Variants in RMDN2 observed in about 807,000 individuals in gnomAD.
The protein encoded by RMDN2 is regulator of microtubule dynamics protein 2.
RMDN2 carries 61 observed loss-of-function variants against 52.8 expected under a neutral mutation model. The ratio of observed to expected loss-of-function variants is 1.16; its 90% CI spans 0.94 to 1.43. The LOEUF is 1.43. Ranked by LOEUF, RMDN2 falls within the 40% of genes most tolerant of loss-of-function variation. The pLI, the probability that RMDN2 is intolerant of heterozygous loss-of-function variation, is 0.00. For missense variants in RMDN2, 592 were observed against 475.3 expected (o/e 1.25, Z -2.28); for synonymous variants, 180 against 153.1 (o/e 1.18, Z -1.30).
intron 2 of RMDN2, among the ~76,000 whole-genome samples, chr2:37,932,460 C>G (rs867714237): frequency 6.7e-6 from 1 of 149,386 alleles, no homozygotes; most frequent in Non-Finnish European, 1.5e-5. Flanking sequence ...CCATGTCTAC[C>G]TCTTTCTACA....
At chr2:38,025,047 A>T (rs1000302709) in intron 10 of RMDN2, among the ~76,000 whole-genome samples, 16 of 152,128 alleles carry the variant, frequency 1.1e-4, no homozygotes, top group African/African-American at 3.6e-4. Flanking sequence ...AGTTTTTAAA[A>T]TTTCCATCAA....
chr2:38,050,918 C>T (rs778634415), intron 10 of RMDN2, among the ~76,000 whole-genome samples: 6 of 152,160 alleles, frequency 3.9e-5, no homozygotes, highest in Non-Finnish European at 5.9e-5. Context: ...TGCATTACTA[C>T]GCCCGGCTAA....
chr2:38,055,737 A>G (rs1681834633), intron 10 of RMDN2, among the ~76,000 whole-genome samples: 1 of 152,076 alleles, frequency 6.6e-6, no homozygotes, highest in Admixed American at 6.5e-5. Flanking sequence ...GAACAAAGAA[A>G]CCCTTCAAGC....
chr2:37,977,392 C>A (rs1672629020), intron 4 of RMDN2, among the ~76,000 whole-genome samples: 2 of 152,166 alleles, frequency 1.3e-5, no homozygotes, highest in Non-Finnish European at 1.5e-5. Flanking sequence ...GGCAGAGGGG[C>A]TCCTCACTTC....
chr2:37,983,251 G>A (rs1447953221), intron 5 of RMDN2, among the ~76,000 whole-genome samples: 1 of 152,122 alleles, frequency 6.6e-6, no homozygotes, highest in South Asian at 2.1e-4. Context: ...AATTTTCATA[G>A]AGGAGCAATG....
chr2:38,006,610 A>T (rs2125204738), intron 10 of RMDN2, among the ~76,000 whole-genome samples: 1 of 152,296 alleles, frequency 6.6e-6, no homozygotes. Context: ...TTGGGCTGAG[A>T]TGATGGGATT....
intron 2 of RMDN2, chr2:37,953,105 A>G (rs1283737074): frequency 2.0e-5 from 3 of 151,918 alleles, no homozygotes; most frequent in Non-Finnish European, 4.4e-5. Flanking sequence ...TGGGGCTAAG[A>G]TGTTATTTTT....
chr2:37,981,403 TG>T, intron 5 of RMDN2, 60 bp downstream of exon 5: 1 of 1,147,070 alleles, frequency 8.7e-7, no homozygotes. Context: ...ATAAATTAAA[TG>T]GATTTTTCAA....
intron 2 of RMDN2, among the ~76,000 whole-genome samples, chr2:37,959,452 A>C (rs964751263): frequency 2.6e-5 from 4 of 151,032 alleles, no homozygotes; most frequent in Admixed American, 2.6e-4. Context: ...AGGTGTTTAT[A>C]GTACTCTCTG....
chr2:37,929,672 C>G lies in RMDN2; in HGVS notation c.395C>G (p.Pro132Arg), dbSNP rs755010803. Residue 132 changes from proline (P) to arginine (R), a missense_variant, in exon 2 of 11, where the codon CCC becomes CGC. By Grantham distance (103) the Pro-to-Arg change is moderately radical. Transcript: ENST00000354545. ...CACAGAGCGAGAAAAAGAAGACTCC[C>G]CACAATTCAAAGTTCAGCAACAAGT... ...PQHRARKRRLPTIQSSATSNS... is the reference protein window; with the variant it reads ...PQHRARKRRLRTIQSSATSNS... 3 of 1,534,126 alleles carry G rather than the reference C, an allele frequency of 2.0e-6. No individual in the cohort carries two copies. In the African/African-American group the frequency reaches 4.2e-5, roughly 21 times the overall value.
intron 10 of RMDN2, among the ~76,000 whole-genome samples, chr2:38,008,865 G>C (rs1327253228): frequency 1.3e-5 from 2 of 152,156 alleles, no homozygotes; most frequent in Non-Finnish European, 2.9e-5. Context: ...TCCATGTTGA[G>C]TGCTTCCTTC....
intron 5 of RMDN2, among the ~76,000 whole-genome samples, chr2:37,988,037 C>T (rs1026591560): frequency 1.1e-4 from 16 of 152,000 alleles, no homozygotes; most frequent in East Asian, 5.8e-4. Flanking sequence ...CCAGACTGGG[C>T]GATAGAGCAT....
chr2:37,991,550 A>G (rs147780349), intron 7 of RMDN2, among the ~76,000 whole-genome samples: 2,175 of 152,120 alleles, frequency 0.014, 55 homozygotes, highest in African/African-American at 0.05. Context: ...ATATATTTGT[A>G]TGTTATATGC....
upstream of RMDN2, among the ~76,000 whole-genome samples, chr2:37,922,857 G>A (rs531427368): frequency 6.6e-6 from 1 of 152,230 alleles, no homozygotes; most frequent in African/African-American, 2.4e-5. Flanking sequence ...CAAGGAACAG[G>A]ATAAAAAGGA....
rs1230932580 is a variant in RMDN2 at position 38,062,774 on chromosome 2, C to CG, written c.1714-4208_1714-4207insG. Among the ~76,000 whole-genome samples, 7 of 119,278 alleles carry CG rather than the reference C, an allele frequency of 5.9e-5. 1 individual carries two copies. The highest frequency in any genetic ancestry group is 8.2e-3 in the Middle Eastern group (2 of 244). 78.3% of individuals were successfully genotyped at this position (119,278 alleles called of 152,430 possible). A position where few individuals can be genotyped will look rare whatever the true frequency, so the allele number is the denominator to read the frequency against. On this transcript the variant is annotated intron_variant, in intron 10 of 10. Coordinates refer to the RMDN2 transcript ENST00000234195. ...AAATGCTATCCCTCCCCCCTTCCCC[C>CG]CCCCCACAACAGTCCCCAGTGTGTG... is the stretch of plus-strand genomic sequence containing the variant.
intron 10 of RMDN2, among the ~76,000 whole-genome samples, chr2:38,060,544 T>C (rs1440315051): frequency 1.3e-5 from 2 of 152,134 alleles, no homozygotes; most frequent in African/African-American, 4.8e-5. Context: ...TGCTGGGATG[T>C]GCAGTAAGAG....
chr2:37,967,026 G>A (rs1256078029), intron 2 of RMDN2, among the ~76,000 whole-genome samples: 1 of 152,014 alleles, frequency 6.6e-6, no homozygotes, highest in African/African-American at 2.4e-5. Context: ...AAGTTTATGG[G>A]GACAGTGCCC....
At chr2:37,922,843 G>T (rs1169288795), upstream of RMDN2, among the ~76,000 whole-genome samples, 1 of 152,194 alleles carries the variant, frequency 6.6e-6, no homozygotes, top group Non-Finnish European at 1.5e-5. Flanking sequence ...GGATATTCCA[G>T]GCACAAGGAA....
At position 37,950,371 on chromosome 2, in the gene RMDN2, AG is replaced by A; in HGVS notation, c.452+20644del. 9.2e-6 allele frequency: 13 copies of A among 1,405,826 alleles called. 1 individual carries two copies. In the South Asian group the frequency reaches 1.6e-4, roughly 17 times the overall value. 87.1% of individuals were successfully genotyped at this position (1,405,826 alleles called of 1,614,324 possible). A position where few individuals can be genotyped will look rare whatever the true frequency, so the allele number is the denominator to read the frequency against. ...CCATGTGAATTCCAACTTCGGAGAA[AG>A]GTGAGCTACAGAACAGTTCTAATAT... On this transcript the variant is annotated intron_variant, in intron 2 of 10. Coordinates refer to ENST00000354545, the MANE Select transcript of RMDN2 (RefSeq NM_001170791.3).
Sources: gnomAD v4.1 joint callset for allele counts (sites outside exome capture counted in the v4.1 genomes callset) on GRCh38, gnomAD v4.1.1 for gene constraint, MANE v1.5 for transcripts, NCBI Gene and HGNC (gene_info 2026-07-23, HGNC 2026-07-21) for gene names.